Variants in RABEP1 observed in about 807,000 individuals in gnomAD.
RABEP1 encodes rabaptin, RAB GTPase binding effector protein 1, also known as rab GTPase-binding effector protein 1.
A neutral mutation model predicts 123.4 loss-of-function variants in RABEP1; 51 were observed. The observed-to-expected ratio is 0.41, with a 90% CI of 0.33 to 0.52. The LOEUF is 0.52. RABEP1 is among the 20% of genes least tolerant of loss of function. RABEP1 has a pLI of 0.16. For missense variants in RABEP1, 888 were observed against 996.3 expected, an observed-to-expected ratio of 0.89 and a Z score of 1.46; for synonymous variants, 347 against 355.2, an observed-to-expected ratio of 0.98 and a Z score of 0.26.
intron 6 of RABEP1, 60 bp from the exon 7 acceptor site, chr17:5,350,389 AAG>A (rs1055634334): frequency 2.3e-5 from 36 of 1,551,764 alleles, no homozygotes; most frequent in Non-Finnish European, 2.9e-5. Context: ...CAAAAAAAAA[AAG>A]AAATTGCCTA....
At chr17:5,316,669 C>T (rs2075299541) in intron 2 of RABEP1, among the ~76,000 whole-genome samples, 1 of 150,610 alleles carries the variant, frequency 6.6e-6, no homozygotes. Context: ...CCCGTATCTA[C>T]TAGAAATGCA....
intron 7 of RABEP1, among the ~76,000 whole-genome samples, chr17:5,351,477 T>G (rs2144650140): frequency 6.6e-6 from 1 of 152,246 alleles, no homozygotes; most frequent in South Asian, 2.1e-4. Context: ...AGTTTTCCTC[T>G]TACACAACTA....
intron 16 of RABEP1, 32 bp downstream of exon 16, chr17:5,380,494 A>G (rs1567556561): frequency 4.2e-6 from 6 of 1,435,672 alleles, no homozygotes; most frequent in Non-Finnish European, 5.7e-6. Context: ...TAATTTTAAA[A>G]AGCAGGGCTA....
At chr17:5,311,533 A>G (rs1258770154) in intron 2 of RABEP1, among the ~76,000 whole-genome samples, 1 of 151,564 alleles carries the variant, frequency 6.6e-6, no homozygotes, top group Admixed American at 6.6e-5. Context: ...TGTCTCTACA[A>G]AAAAAATACA....
chr17:5,353,600 C>A (rs564709744), intron 7 of RABEP1, among the ~76,000 whole-genome samples: 1 of 152,104 alleles, frequency 6.6e-6, no homozygotes, highest in East Asian at 1.9e-4. Flanking sequence ...GTAGTCCCAA[C>A]GCTTTGGGAG....
intron 2 of RABEP1, among the ~76,000 whole-genome samples, chr17:5,312,353 G>C (rs952452755): frequency 6.6e-6 from 1 of 152,184 alleles, no homozygotes; most frequent in African/African-American, 2.4e-5. Flanking sequence ...GTTTCACCCT[G>C]TTGGCCAGGC....
At chr17:5,324,273 A>G (rs2144576824) in intron 2 of RABEP1, among the ~76,000 whole-genome samples, 1 of 152,314 alleles carries the variant, frequency 6.6e-6, no homozygotes, top group African/African-American at 2.4e-5. Context: ...GTACCCAGAA[A>G]CAAATCCATG....
chr17:5,306,615 G>A (rs1325012205), intron 1 of RABEP1, among the ~76,000 whole-genome samples: 2 of 141,318 alleles, frequency 1.4e-5, no homozygotes, highest in African/African-American at 5.6e-5. Context: ...GTGACAGAGT[G>A]AGACTCTGTC....
At chr17:5,371,073 TCTC>T (rs1910492897) in intron 12 of RABEP1, among the ~76,000 whole-genome samples, 4 of 152,234 alleles carry the variant, frequency 2.6e-5, no homozygotes, top group Admixed American at 2.0e-4. Flanking sequence ...CTCACGCCAT[TCTC>T]CTGCCTCAGC....
chr17:5,314,718 C>G (rs1010111499), intron 2 of RABEP1, among the ~76,000 whole-genome samples: 1 of 152,120 alleles, frequency 6.6e-6, no homozygotes, highest in Non-Finnish European at 1.5e-5. Flanking sequence ...CGGGGTTTCA[C>G]CGTGTTAGCC....
intron 2 of RABEP1, among the ~76,000 whole-genome samples, chr17:5,319,184 A>T (rs564393376): frequency 6.6e-6 from 1 of 151,308 alleles, no homozygotes; most frequent in Non-Finnish European, 1.5e-5. Flanking sequence ...CAAAAAATTA[A>T]CCGGGTGTGG....
At chr17:5,311,027 C>G (rs1051235959) in intron 2 of RABEP1, among the ~76,000 whole-genome samples, 2 of 152,046 alleles carry the variant, frequency 1.3e-5, no homozygotes, top group Non-Finnish European at 2.9e-5. Flanking sequence ...CCAGGCTGGT[C>G]TCGAACTCCT....
intron 1 of RABEP1, among the ~76,000 whole-genome samples, chr17:5,298,677 A>G (rs187347010): frequency 0.015 from 2,172 of 141,952 alleles, 64 homozygotes; most frequent in African/African-American, 0.054. Flanking sequence ...TTTTTTTGAG[A>G]CGGAGTCTCG....
At chr17:5,352,892 A>G (rs952345944) in intron 7 of RABEP1, among the ~76,000 whole-genome samples, 1 of 152,178 alleles carries the variant, frequency 6.6e-6, no homozygotes, top group African/African-American at 2.4e-5. Context: ...AAAACTTTTC[A>G]ACATTTATTG....
chr17:5,371,428 T>C (rs902778943), intron 12 of RABEP1: 2 of 152,260 alleles, frequency 1.3e-5, no homozygotes, highest in African/African-American at 4.8e-5. Flanking sequence ...TACGTAATTA[T>C]TTTAATTTAT....
intron 6 of RABEP1, among the ~76,000 whole-genome samples, chr17:5,347,597 C>T (rs995432062): frequency 1.3e-5 from 2 of 152,024 alleles, no homozygotes; most frequent in Non-Finnish European, 2.9e-5. Flanking sequence ...TTCTGGAGGC[C>T]CTAAGTAACA....
intron 2 of RABEP1, among the ~76,000 whole-genome samples, chr17:5,314,669 C>T (rs2075278917): frequency 6.6e-6 from 1 of 152,164 alleles, no homozygotes; most frequent in Admixed American, 6.5e-5. Context: ...CAGGCGCCCG[C>T]CACCACGCCT....
At chr17:5,326,875 T>G (rs1371218032) in intron 2 of RABEP1, among the ~76,000 whole-genome samples, 1 of 152,214 alleles carries the variant, frequency 6.6e-6, no homozygotes, top group Non-Finnish European at 1.5e-5. Flanking sequence ...ATGCATCGTT[T>G]GGTGATTTTG....
intron 2 of RABEP1, among the ~76,000 whole-genome samples, chr17:5,314,936 A>T (rs2075281888): frequency 6.6e-6 from 1 of 152,218 alleles, no homozygotes; most frequent in Non-Finnish European, 1.5e-5. Context: ...GGAAATTTGT[A>T]GTGTTGGCAA....
Sources: allele counts gnomAD v4.1 joint callset (sites outside exome capture counted in the v4.1 genomes callset), GRCh38; gene constraint gnomAD v4.1.1; transcripts MANE v1.5; gene names NCBI Gene and HGNC (gene_info 2026-07-23, HGNC 2026-07-21).